The following CD244 variants were observed in gnomAD, a reference collection of about 807,000 sequenced individuals.
CD244 encodes CD244 molecule.
A neutral mutation model predicts 45.5 loss-of-function variants in CD244; 20 were observed. The observed-to-expected ratio is 0.44, with a 90% confidence interval of 0.31 to 0.64. The LOEUF is 0.64. Among genes scored for constraint, CD244 ranks in the 30% least tolerant of loss-of-function variants. The pLI is 0.08. For missense variants in CD244, 407 were observed against 426.9 expected (o/e 0.95, Z 0.41); for synonymous variants, 185 against 160.5 (o/e 1.15, Z -1.15).
intron 1 of CD244, chr1:160,848,119 T>A (rs1669798667): frequency 2.4e-6 from 1 of 423,692 alleles, no homozygotes; most frequent in African/African-American, 2.0e-5. Flanking sequence ...AAAACATTTG[T>A]GTTCTGAGCA....
At position 160,841,395 on chromosome 1, in the gene CD244, T is replaced by C; in HGVS notation, c.470A>G (p.Asp157Gly). The change falls in exon 3 of 9, where the codon GAT (aspartate) becomes GGT (glycine). Residue 157 changes from aspartate (D) to glycine (G), a missense_variant. By Grantham distance (94) the Asp-to-Gly change is moderately conservative. Coordinates refer to ENST00000368034, the MANE Select transcript of CD244 (RefSeq NM_016382.4). ...GTACCAAGCATAGGACACATTGCCA[T>C]CCCTGGAGACCAAGCAAGACAGAGC... is the stretch of plus-strand genomic sequence containing the variant. Reference protein sequence around the residue: ...QVALSCLVSRDGNVSYAWYRG... With the variant: ...QVALSCLVSRGGNVSYAWYRG... The C allele has an allele frequency of 1.9e-6, 3 of 1,614,184 alleles. No individual in the cohort carries two copies. The highest frequency in any genetic ancestry group is 2.5e-6 in the Non-Finnish European group (3 of 1,180,036).
intron 5 of CD244, 54 bp downstream of exon 5, chr1:160,838,397 A>G: frequency 7.8e-7 from 1 of 1,281,164 alleles, no homozygotes; most frequent in Non-Finnish European, 1.1e-6. Flanking sequence ...ACCATCATTG[A>G]AAGAGCATTT....
intron 1 of CD244, among the ~76,000 whole-genome samples, chr1:160,850,108 G>A (rs1172982871): frequency 2.0e-5 from 3 of 152,118 alleles, no homozygotes; most frequent in Non-Finnish European, 2.9e-5. Context: ...TTATTTGAGT[G>A]TAGAAGTCAG....
chr1:160,850,088 A>G (rs927017697), intron 1 of CD244, among the ~76,000 whole-genome samples: 12 of 152,244 alleles, frequency 7.9e-5, no homozygotes, highest in African/African-American at 2.7e-4. Context: ...CAAGAGGACT[A>G]TATGAAAAAT....
intron 1 of CD244, among the ~76,000 whole-genome samples, chr1:160,853,741 A>G (rs998805983): frequency 4.2e-5 from 6 of 144,176 alleles, no homozygotes; most frequent in Non-Finnish European, 7.5e-5. Context: ...CCATGACTGC[A>G]CCACTGCACC....
In CD244 at chr1:160,841,542, T is replaced by C. The variant is rs1571098244; in HGVS notation, c.379+42A>G. 5.0e-6 allele frequency: 8 copies of C among 1,611,834 alleles called. No homozygotes were observed. In the African/African-American group the frequency reaches 1.1e-4, roughly 22 times the overall value. On this transcript the variant is annotated intron_variant, in intron 2 of 8. Coordinates refer to ENST00000368034, the MANE Select transcript of CD244 (RefSeq NM_016382.4). ...TGGAAATACAGAACTTAGAGGCCTA[T>C]AGGAATCAGAGAGGGCAGTATGAAC... is the stretch of plus-strand genomic sequence containing the variant.
intron 5 of CD244, 62 bp from the exon 6 acceptor site, chr1:160,836,316 G>T: frequency 7.5e-7 from 1 of 1,327,134 alleles, no homozygotes; most frequent in South Asian, 1.2e-5. Context: ...GATTTAGATT[G>T]AGTGGGGAAA....
chr1:160,836,238 A>G lies in CD244; in HGVS notation c.851T>C (p.Phe284Ser). 1 of 1,613,814 alleles carries G rather than the reference A, an allele frequency of 6.2e-7. No individual in the cohort carries two copies. Among genetic ancestry groups the G allele is most frequent in the Non-Finnish European group, 8.5e-7 (1 of 1,179,712 alleles). The change falls in exon 6 of 9, where the codon TTT (phenylalanine) becomes TCT (serine). Residue 284 changes from phenylalanine (F) to serine (S), a missense_variant. By Grantham distance (155) the Phe-to-Ser change is radical. Transcript: ENST00000368034. ...TRRNHEQEQT[F>S]PGGGSTIYSM... ...GTAGATGGTGCTCCCCCCTCCAGGA[A>G]AAGTCTGCTCCTGCTCCTGCACAAG...
Position 160,832,591 on chromosome 1 carries a change from G to A in CD244, c.961-16C>T, listed in dbSNP as rs1669164489. 1 of 1,611,280 alleles carries A rather than the reference G, an allele frequency of 6.2e-7. No homozygotes were observed. The highest frequency in any genetic ancestry group is 1.1e-5 in the South Asian group (1 of 91,002). Reference sequence around the variant, plus strand: ...TGGATCCAGACTAGAAATTCAGAAGGTAAAGAATACTTAACTTCGAGATAA... The same window carrying A: ...TGGATCCAGACTAGAAATTCAGAAGATAAAGAATACTTAACTTCGAGATAA... On this transcript the variant is annotated splice_polypyrimidine_tract_variant and intron_variant, in intron 7 of 8. Transcript: ENST00000368034.
At chr1:160,837,128 T>G (rs1669361405) in intron 5 of CD244, among the ~76,000 whole-genome samples, 1 of 152,136 alleles carries the variant, frequency 6.6e-6, no homozygotes, top group Non-Finnish European at 1.5e-5. Context: ...ATTTAGGCCT[T>G]CAAATTGGAG....
intron 1 of CD244, among the ~76,000 whole-genome samples, chr1:160,862,406 G>A (rs1670342579): frequency 6.6e-6 from 1 of 152,210 alleles, no homozygotes. Flanking sequence ...CTGGATTGCT[G>A]GTGGCAGGGC....
chr1:160,831,660 C>T (rs2101854908), intron 8 of CD244, among the ~76,000 whole-genome samples: 1 of 152,284 alleles, frequency 6.6e-6, no homozygotes, highest in Non-Finnish European at 1.5e-5. Context: ...CATGACCTCA[C>T]AAGCTACCTG....
intron 8 of CD244, among the ~76,000 whole-genome samples, chr1:160,832,122 CCTGGAATGGCTCCCAAAGA>C (rs1347287169): frequency 6.6e-6 from 1 of 152,070 alleles, no homozygotes; most frequent in Non-Finnish European, 1.5e-5. Flanking sequence ...TCACCTATGT[CCTGGAATGGCTCCCAAAGA>C]CTTGCTAATT....
At chr1:160,832,887 T>TATATATATATATAC (rs1157419927) in intron 7 of CD244, among the ~76,000 whole-genome samples, 2 of 143,110 alleles carry the variant, frequency 1.4e-5, no homozygotes, top group Non-Finnish European at 3.0e-5. Context: ...TATATATATA[T>TATATATATATATAC]ACACACACAC....
intron 1 of CD244, 31 bp from the exon 2 acceptor site, chr1:160,841,932 G>A (rs375839890): frequency 8.1e-5 from 129 of 1,597,070 alleles, no homozygotes; most frequent in Admixed American, 5.5e-4. Flanking sequence ...TGAAAGTAGC[G>A]GGAAGAGTGT....
chr1:160,844,173 T>A (rs926702607), intron 1 of CD244, among the ~76,000 whole-genome samples: 16 of 152,178 alleles, frequency 1.1e-4, no homozygotes, highest in African/African-American at 3.6e-4. Flanking sequence ...AACCAGAGCA[T>A]TAAATTATTC....
rs775284284 is a variant in CD244, at chr1:160,862,849, C to G, written c.-172G>C. 1 of 529,624 alleles carries G rather than the reference C, an allele frequency of 1.9e-6. No individual in the cohort carries two copies. The highest frequency in any genetic ancestry group is 3.3e-6 in the Non-Finnish European group (1 of 300,150). 32.8% of individuals were successfully genotyped at this position (529,624 alleles called of 1,614,324 possible). A position where few individuals can be genotyped will look rare whatever the true frequency, so the allele number is the denominator to read the frequency against. The stretch of plus-strand genomic sequence containing the variant: ...GCTGTTAACGCCTGCTGTGAGCTGA[C>G]AAGGCCACTGAGAAAGCCCCAGCGC... On this transcript the variant is annotated 5_prime_UTR_variant, in exon 1 of 9. Coordinates refer to ENST00000368034, the MANE Select transcript of CD244 (RefSeq NM_016382.4).
intron 4 of CD244, 45 bp downstream of exon 4, chr1:160,838,894 C>A: frequency 7.6e-7 from 1 of 1,309,540 alleles, no homozygotes; most frequent in Non-Finnish European, 1.1e-6. Flanking sequence ...GTCACAGGAT[C>A]CAAGGCCTCA....
chr1:160,859,741 TAC>T (rs1479756462), intron 1 of CD244, among the ~76,000 whole-genome samples: 71 of 79,752 alleles, frequency 8.9e-4, no homozygotes, highest in African/African-American at 5.0e-3. Flanking sequence ...ACCCTGTATC[TAC>T]AAAAAAAAAA....
Sources: gnomAD v4.1 joint callset for allele counts (sites outside exome capture counted in the v4.1 genomes callset) on GRCh38, gnomAD v4.1.1 for gene constraint, MANE v1.5 for transcripts, NCBI Gene and HGNC (gene_info 2026-07-23, HGNC 2026-07-21) for gene names.